Variants in DAB1 observed in about 807,000 individuals in gnomAD.
DAB1 encodes DAB adaptor protein 1.
A neutral mutation model predicts 64.6 loss-of-function variants in DAB1; 15 were observed. The observed-to-expected ratio is 0.23, with a 90% CI of 0.16 to 0.36. The LOEUF (loss-of-function observed/expected upper bound fraction) is 0.36. Among genes scored for constraint, DAB1 ranks in the 10% least tolerant of loss-of-function variants. The pLI, the probability that DAB1 is intolerant of heterozygous loss-of-function variation, is 1.00. For synonymous variants in DAB1, 235 were observed against 251.9 expected, an observed-to-expected ratio of 0.93 and a Z score of 0.64; for missense variants, 596 against 706.7, an observed-to-expected ratio of 0.84 and a Z score of 1.78.
At chr1:57,134,674 A>G (rs914545329) in intron 4 of DAB1, among the ~76,000 whole-genome samples, 1 of 152,140 alleles carries the variant, frequency 6.6e-6, no homozygotes, top group Non-Finnish European at 1.5e-5. Context: ...CTAAGTTTAA[A>G]AAGAAAAAGA....
intron 4 of DAB1, among the ~76,000 whole-genome samples, chr1:58,284,866 T>C (rs931897876): frequency 3.3e-5 from 5 of 152,202 alleles, no homozygotes. Flanking sequence ...TTCTAGAGGG[T>C]ACACCTTCTG....
At chr1:57,340,132 G>A (rs1004621908) in intron 1 of DAB1, among the ~76,000 whole-genome samples, 4 of 152,122 alleles carry the variant, frequency 2.6e-5, no homozygotes, top group South Asian at 2.1e-4. Flanking sequence ...AAGGCATTAC[G>A]GCAGGCTTAC....
At chr1:58,380,308 G>GCT (rs374253996) in intron 3 of DAB1, among the ~76,000 whole-genome samples, 14 of 152,000 alleles carry the variant, frequency 9.2e-5, no homozygotes, top group African/African-American at 1.7e-4. Flanking sequence ...TTTCCCCAGT[G>GCT]CTCTCTCTCT....
chr1:58,437,313 C>T (rs1403999667), intron 3 of DAB1, among the ~76,000 whole-genome samples: 1 of 152,090 alleles, frequency 6.6e-6, no homozygotes, highest in Non-Finnish European at 1.5e-5. Flanking sequence ...AATCTAAAGA[C>T]TACATTTTAA....
At chr1:57,078,998 C>T (rs191717498) in intron 4 of DAB1, among the ~76,000 whole-genome samples, 77 of 151,900 alleles carry the variant, frequency 5.1e-4, no homozygotes, top group Admixed American at 1.0e-3. Context: ...CAAGCAGTAC[C>T]GAAAAAATGA....
chr1:57,773,539 G>GTT (rs538064375), intron 6 of DAB1, among the ~76,000 whole-genome samples: 158 of 151,974 alleles, frequency 1.0e-3, no homozygotes, highest in African/African-American at 3.5e-3. Flanking sequence ...TATTTTTCAT[G>GTT]TTATGTTCTA....
intron 4 of DAB1, among the ~76,000 whole-genome samples, chr1:58,321,833 G>A (rs1662691503): frequency 6.6e-6 from 1 of 152,260 alleles, no homozygotes; most frequent in South Asian, 2.1e-4. Flanking sequence ...CCTGGGGGCA[G>A]GGCATAGCTG....
intron 7 of DAB1, among the ~76,000 whole-genome samples, chr1:57,622,400 T>G (rs1645870788): frequency 6.6e-6 from 1 of 152,216 alleles, no homozygotes; most frequent in Admixed American, 6.5e-5. Context: ...GGCTGCACTA[T>G]TAGCTGTATG....
intron 3 of DAB1, among the ~76,000 whole-genome samples, chr1:58,352,447 G>A (rs529822062): frequency 1.3e-5 from 2 of 152,280 alleles, no homozygotes; most frequent in East Asian, 3.9e-4. Flanking sequence ...TAAGTACATA[G>A]CCATCCGGCA....
intron 4 of DAB1, among the ~76,000 whole-genome samples, chr1:58,183,298 TAA>T (rs1450345570): frequency 6.6e-6 from 1 of 152,038 alleles, no homozygotes; most frequent in African/African-American, 2.4e-5. Flanking sequence ...ATCTCCTCCG[TAA>T]GTTTATGAGG....
chr1:57,359,611 T>C (rs1042910440), intron 1 of DAB1, among the ~76,000 whole-genome samples: 2 of 151,864 alleles, frequency 1.3e-5, no homozygotes, highest in African/African-American at 4.8e-5. Flanking sequence ...GGAAATGAAA[T>C]CAGTATGTTG....
chr1:57,395,481 C>A (rs1415044948), intron 1 of DAB1, among the ~76,000 whole-genome samples: 1 of 152,166 alleles, frequency 6.6e-6, no homozygotes, highest in African/African-American at 2.4e-5. Flanking sequence ...AATGAACACC[C>A]CTTGAGCCAC....
chr1:57,304,612 C>T (rs1362914637), intron 1 of DAB1, among the ~76,000 whole-genome samples: 1 of 152,122 alleles, frequency 6.6e-6, no homozygotes, highest in East Asian at 1.9e-4. Flanking sequence ...TACCCATAAG[C>T]GTTGCTGAGT....
At chr1:57,323,567 T>C (rs1021465585) in intron 1 of DAB1, among the ~76,000 whole-genome samples, 16 of 152,158 alleles carry the variant, frequency 1.1e-4, no homozygotes, top group Non-Finnish European at 2.2e-4. Flanking sequence ...TATTTAACTT[T>C]TCATATTTAA....
chr1:57,605,094 T>A lies in DAB1; in HGVS notation n.625+44498A>T, dbSNP rs527851344. ...TGCACGAACCACTCTGGGGAGATGATGTTTGGAAGAAGAACTTTAAAATGA... is the reference window on the plus strand; with the variant it reads ...TGCACGAACCACTCTGGGGAGATGAAGTTTGGAAGAAGAACTTTAAAATGA... On this transcript the variant is annotated intron_variant and non_coding_transcript_variant, in intron 7 of 20. Coordinates refer to the DAB1 transcript ENST00000485760. Among the ~76,000 whole-genome samples the A allele has an allele frequency of 2.0e-5, 3 of 152,186 alleles. No individual in the cohort carries two copies. The East Asian group carries it at 5.8e-4, about 29-fold the overall frequency.
At chr1:58,049,140 G>C (rs993433246) in intron 5 of DAB1, 1 of 806,898 alleles carries the variant, frequency 1.2e-6, no homozygotes, top group Non-Finnish European at 2.2e-6. Flanking sequence ...GGAGCACTTG[G>C]TGTTTGGATC....
chr1:57,499,166 T>A (rs1254806056), intron 7 of DAB1, among the ~76,000 whole-genome samples: 1 of 152,108 alleles, frequency 6.6e-6, no homozygotes, highest in Non-Finnish European at 1.5e-5. Context: ...AGTAGACACA[T>A]GGTTTCACCA....
intron 7 of DAB1, among the ~76,000 whole-genome samples, chr1:57,575,419 C>G (rs189751019): frequency 1.8e-3 from 269 of 152,256 alleles, no homozygotes; most frequent in African/African-American, 6.3e-3. Flanking sequence ...AATTCTCAAC[C>G]TCATAGACTG....
chr1:57,804,396 C>T (rs76428298), intron 6 of DAB1, among the ~76,000 whole-genome samples: 298 of 152,262 alleles, frequency 2.0e-3, no homozygotes, highest in African/African-American at 6.8e-3. Flanking sequence ...CAGCAAATGG[C>T]TCAGTGGTCT....
Sources: gnomAD v4.1 joint callset for allele counts (sites outside exome capture counted in the v4.1 genomes callset) on GRCh38, gnomAD v4.1.1 for gene constraint, MANE v1.5 for transcripts, NCBI Gene and HGNC (gene_info 2026-07-23, HGNC 2026-07-21) for gene names.